The following EYS variants were observed in gnomAD, a reference collection of about 807,000 sequenced individuals.
EYS encodes the protein protein eyes shut homolog.
EYS carries 250 observed loss-of-function variants against 282.1 expected under a neutral mutation model. The ratio of observed to expected loss-of-function variants is 0.89; its 90% CI spans 0.80 to 0.98. EYS has a LOEUF of 0.98. EYS is among the 50% of genes least tolerant of loss of function. The probability of loss-of-function intolerance (pLI) is 0.00; values close to 1 mark genes in which losing one functional copy is unlikely to be tolerated. For synonymous variants in EYS, 1,355 were observed against 1,282.9 expected (o/e 1.06, Z -1.20); for missense variants, 4,016 against 3,709.0 (o/e 1.08, Z -2.15).
intron 22 of EYS, among the ~76,000 whole-genome samples, chr6:64,732,416 T>G (rs919294084): frequency 2.6e-5 from 4 of 152,182 alleles, no homozygotes; most frequent in Non-Finnish European, 5.9e-5. Context: ...GCTCATTAAT[T>G]GCATTCCATA....
In EYS at chr6:65,604,845, T is replaced by C. The variant is rs1248233317; in HGVS notation, c.-333+34933A>G. Among the ~76,000 whole-genome samples, 193 of 65,956 alleles carry C rather than the reference T, an allele frequency of 2.9e-3. No homozygotes were observed. In the Middle Eastern group the frequency reaches 0.033, roughly 11 times the overall value. 43.3% of individuals were successfully genotyped at this position (65,956 alleles called of 152,430 possible). A position where few individuals can be genotyped will look rare whatever the true frequency, so the allele number is the denominator to read the frequency against. Reference sequence around the variant, plus strand: ...AGACCTTTAAATTCACTGCCCCCTTTTTTTTTTTTTTTTTTTGAGACAGGG... The same window carrying C: ...AGACCTTTAAATTCACTGCCCCCTTCTTTTTTTTTTTTTTTTGAGACAGGG... On this transcript the variant is annotated intron_variant, in intron 2 of 42. Coordinates refer to ENST00000503581, the MANE Select transcript of EYS (RefSeq NM_001142800.2).
intron 35 of EYS, among the ~76,000 whole-genome samples, chr6:63,875,271 C>T (rs1003205640): frequency 1.3e-5 from 2 of 152,058 alleles, no homozygotes; most frequent in Non-Finnish European, 2.9e-5. Flanking sequence ...TGATGGATTC[C>T]ATTTATTGAT....
At chr6:65,535,368 G>A (rs776160969) in intron 2 of EYS, among the ~76,000 whole-genome samples, 9 of 152,030 alleles carry the variant, frequency 5.9e-5, no homozygotes, top group South Asian at 2.1e-4. Flanking sequence ...AGGTCTTTCC[G>A]GTGCTGTTCT....
At chr6:64,842,729 C>T (rs1372955400) in intron 19 of EYS, among the ~76,000 whole-genome samples, 4 of 151,932 alleles carry the variant, frequency 2.6e-5, no homozygotes, top group Non-Finnish European at 5.9e-5. Context: ...ATTTGTGGAA[C>T]TTTGAACTTG....
chr6:64,334,156 C>T (rs1340681186), intron 29 of EYS, among the ~76,000 whole-genome samples: 1 of 152,156 alleles, frequency 6.6e-6, no homozygotes, highest in East Asian at 1.9e-4. Context: ...AGACTGTAAT[C>T]CTTTTTTGCT....
chr6:64,270,305 C>T (rs1258939606), intron 30 of EYS, among the ~76,000 whole-genome samples: 3 of 151,480 alleles, frequency 2.0e-5, no homozygotes, highest in Admixed American at 6.6e-5. Flanking sequence ...GGTGTATATA[C>T]TTATATACTC....
At chr6:64,888,206 C>T (rs1368933539) in intron 18 of EYS, among the ~76,000 whole-genome samples, 1 of 151,786 alleles carries the variant, frequency 6.6e-6, no homozygotes, top group Admixed American at 6.6e-5. Context: ...AATTTGGTGT[C>T]CTATTGCACA....
intron 33 of EYS, among the ~76,000 whole-genome samples, chr6:64,018,763 T>C (rs1182836018): frequency 9.7e-6 from 1 of 103,358 alleles, no homozygotes; most frequent in Non-Finnish European, 1.9e-5. Context: ...ACAAGTGTTT[T>C]TTTTTTTTTT....
intron 12 of EYS, among the ~76,000 whole-genome samples, chr6:65,125,276 A>G (rs889812454): frequency 2.0e-5 from 3 of 152,210 alleles, no homozygotes; most frequent in African/African-American, 4.8e-5. Context: ...AGCAAAGCCA[A>G]TGTCATTAGG....
intron 24 of EYS, among the ~76,000 whole-genome samples, chr6:64,593,838 A>G (rs1403620027): frequency 6.6e-6 from 1 of 152,182 alleles, no homozygotes; most frequent in Non-Finnish European, 1.5e-5. Flanking sequence ...TTTCTACCAT[A>G]TCCTATAAAA....
At chr6:63,781,995 C>G (rs969374134) in intron 39 of EYS, among the ~76,000 whole-genome samples, 2 of 152,128 alleles carry the variant, frequency 1.3e-5, no homozygotes, top group African/African-American at 4.8e-5. Context: ...TTTTCTGCAT[C>G]TATTGAGATA....
At chr6:64,360,401 C>T (rs1771963628) in intron 29 of EYS, among the ~76,000 whole-genome samples, 1 of 151,746 alleles carries the variant, frequency 6.6e-6, no homozygotes, top group Non-Finnish European at 1.5e-5. Flanking sequence ...ATGCTCTACA[C>T]TAGCTGAGAA....
chr6:65,434,253 C>T (rs1198688598), intron 5 of EYS, among the ~76,000 whole-genome samples: 1 of 149,642 alleles, frequency 6.7e-6, no homozygotes, highest in Non-Finnish European at 1.5e-5. Flanking sequence ...TAAAATTTTG[C>T]AGAAGGAAGA....
intron 35 of EYS, among the ~76,000 whole-genome samples, chr6:63,871,922 C>T (rs1772815971): frequency 6.6e-6 from 1 of 152,130 alleles, no homozygotes; most frequent in East Asian, 1.9e-4. Flanking sequence ...CCAGCAAGTT[C>T]CACAGCACCT....
chr6:64,935,442 A>G (rs1471225088), intron 15 of EYS, among the ~76,000 whole-genome samples: 1 of 151,732 alleles, frequency 6.6e-6, no homozygotes, highest in Admixed American at 6.6e-5. Flanking sequence ...CTAAATTCAT[A>G]GCAAAAGGAA....
chr6:65,180,431 A>T (rs1765347644), intron 12 of EYS, among the ~76,000 whole-genome samples: 1 of 152,134 alleles, frequency 6.6e-6, no homozygotes, highest in East Asian at 1.9e-4. Flanking sequence ...CAGAGAGCCA[A>T]ATCATGAGTG....
At chr6:65,288,367 G>A (rs1224496923) in intron 12 of EYS, among the ~76,000 whole-genome samples, 1 of 150,450 alleles carries the variant, frequency 6.6e-6, no homozygotes, top group East Asian at 1.9e-4. Flanking sequence ...GTACCATGGT[G>A]TGCTTTAAAA....
chr6:64,794,164 A>C (rs1366800635), intron 22 of EYS, among the ~76,000 whole-genome samples: 1 of 152,184 alleles, frequency 6.6e-6, no homozygotes, highest in Non-Finnish European at 1.5e-5. Flanking sequence ...CTTGTAACAT[A>C]TGGCAGCTAT....
At chr6:65,188,413 A>C (rs904604316) in intron 12 of EYS, among the ~76,000 whole-genome samples, 9 of 151,814 alleles carry the variant, frequency 5.9e-5, no homozygotes, top group Non-Finnish European at 1.0e-4. Context: ...TGTTGTAAAC[A>C]AAATACAAGG....
Sources: gnomAD v4.1 joint callset for allele counts (sites outside exome capture counted in the v4.1 genomes callset) on GRCh38, gnomAD v4.1.1 for gene constraint, MANE v1.5 for transcripts, NCBI Gene and HGNC (gene_info 2026-07-23, HGNC 2026-07-21) for gene names.